VPS16: variants seen among roughly 807,000 people sequenced by gnomAD.
The protein encoded by VPS16 is VPS16 core subunit of CORVET and HOPS complexes.
Under a neutral mutation model 116.0 loss-of-function variants are expected in VPS16, and 82 were observed. That is an observed-to-expected ratio of 0.71 (90% CI 0.59 to 0.85). The LOEUF (loss-of-function observed/expected upper bound fraction) is 0.85, where lower values mean the gene tolerates loss of function less well. Ranked by LOEUF, VPS16 falls within the 40% of genes least tolerant of loss-of-function variation. The pLI, the probability that VPS16 is intolerant of heterozygous loss-of-function variation, is 0.00. For synonymous variants in VPS16, 406 were observed against 420.7 expected, an observed-to-expected ratio of 0.96 and a Z score of 0.43; for missense variants, 928 against 1,090.6, an observed-to-expected ratio of 0.85 and a Z score of 2.10.
rs1442297988 is a variant in VPS16, at chr20:2,862,642, GC to G, written c.1137del (p.Val380CysfsTer174). 1 of 1,613,276 alleles carries G rather than the reference GC, an allele frequency of 6.2e-7. No homozygotes were observed. Among genetic ancestry groups the G allele is most frequent in the Non-Finnish European group, 8.5e-7 (1 of 1,179,998 alleles). ...CCAGGAGCTGGGCCAGCTGACCCAG[GC>G]CGTGCAGCAGTGCATTGAGGCTGCA... ...EIQELGQLTQAVQQCIEAAGH... is the reference protein window; with the variant it reads ...EIQELGQLTQXVQQCIEAAGH... On this transcript the variant is annotated frameshift_variant, in exon 12 of 24. Coordinates refer to ENST00000380445, the MANE Select transcript of VPS16 (RefSeq NM_022575.4). LOFTEE classifies it high-confidence loss of function.
In VPS16 at chr20:2,864,037, T is replaced by C; in HGVS notation, c.1565T>C (p.Ile522Thr). The C allele has an allele frequency of 6.2e-7, 1 of 1,614,132 alleles. No homozygotes were observed. Among genetic ancestry groups the C allele is most frequent in the Middle Eastern group, 1.6e-4 (1 of 6,062 alleles). ...GDTPGVSYSDIAARAYGCGRT... is the reference protein window; with the variant it reads ...GDTPGVSYSDTAARAYGCGRT... ...ACGCCTGGTGTCTCTTACTCCGACA[T>C]TGCTGCACGAGCCTATGGTTGTGGC... is the stretch of plus-strand genomic sequence containing the variant. The change falls in exon 16 of 24, where the codon ATT (isoleucine) becomes ACT (threonine). Residue 522 changes from isoleucine (I) to threonine (T), a missense_variant. Transcript: ENST00000380445. This position sits in a 1 kb window ranked among gnomAD's most constrained non-coding sequence, Gnocchi z 5.2.
chr20:2,851,173 T>C (rs959162487), intron 1 of VPS16, among the ~76,000 whole-genome samples: 3 of 151,980 alleles, frequency 2.0e-5, no homozygotes, highest in African/African-American at 4.8e-5. Context: ...GTCTATAATA[T>C]CAGACAAGCA....
chr20:2,861,080 A>G lies in VPS16; in HGVS notation c.741A>G (p.Thr247=). 2 of 1,614,228 alleles carry G rather than the reference A, an allele frequency of 1.2e-6. No individual in the cohort carries two copies. Among genetic ancestry groups the G allele is most frequent in the East Asian group, 2.2e-5 (1 of 44,882 alleles). The part of the protein sequence containing the change: ...FTDTGYIWMG[T]ASLKEKLCEF... ...ACACAGGCTACATCTGGATGGGGAC[A>G]GCATCACTCAAGGTATGATCCTGGG... The change falls in exon 7 of 24, where the codon ACA becomes ACG. Residue 247 remains threonine (T), a synonymous_variant. Coordinates refer to ENST00000380445, the MANE Select transcript of VPS16 (RefSeq NM_022575.4).
chr20:2,864,787 C>T lies in VPS16; in HGVS notation c.1926+133C>T, dbSNP rs1378488771. ...GTCCTCACTGTGAGGGAGACTCTGA[C>T]GTGAGGCCAGGATGGGGGTTAGTGT... On this transcript the variant is annotated intron_variant, in intron 19 of 23. Coordinates refer to ENST00000380445, the MANE Select transcript of VPS16 (RefSeq NM_022575.4). This position sits in a 1 kb window ranked among gnomAD's most constrained non-coding sequence, Gnocchi z 5.2. The T allele has an allele frequency of 1.3e-5, 15 of 1,169,424 alleles. No homozygotes were observed. Among genetic ancestry groups the T allele is most frequent in the East Asian group, 4.8e-5 (2 of 41,442 alleles). 72.4% of individuals were successfully genotyped at this position (1,169,424 alleles called of 1,614,324 possible).
Position 2,840,835 on chromosome 20 carries a change from GCCC to G in VPS16, c.53+10_53+12del. Reference sequence around the variant, plus strand: ...GGACTCTGCCTTTTACCGGTGAGCTGCCCCGCCCTCCCGCCCACGGCCTGGCTT... The same window carrying G: ...GGACTCTGCCTTTTACCGGTGAGCTGCGCCCTCCCGCCCACGGCCTGGCTT... On this transcript the variant is annotated intron_variant, in intron 1 of 23. Transcript: ENST00000380445. 3 of 1,524,196 alleles carry G rather than the reference GCCC, an allele frequency of 2.0e-6. No individual in the cohort carries two copies. The highest frequency in any genetic ancestry group is 2.0e-5 in the Admixed American group (1 of 50,606). The allele number at this position is 1,524,196 out of a possible 1,614,324, so 94.4% of individuals were successfully genotyped here.
chr20:2,856,592 C>T (rs1272346162), intron 1 of VPS16, among the ~76,000 whole-genome samples: 1 of 152,200 alleles, frequency 6.6e-6, no homozygotes, highest in Non-Finnish European at 1.5e-5. Context: ...ACCACCCTCC[C>T]CAAAGGTAAT....
At chr20:2,842,829 T>TCGATAG (rs1568620960) in intron 1 of VPS16, among the ~76,000 whole-genome samples, 2 of 3,398 alleles carry the variant, frequency 5.9e-4, no homozygotes, top group Non-Finnish European at 8.7e-4. Flanking sequence ...TAGATAGACA[T>TCGATAG]ATAGATGTAT....
intron 1 of VPS16, among the ~76,000 whole-genome samples, chr20:2,858,425 G>A (rs532489987): frequency 2.0e-5 from 3 of 152,076 alleles, no homozygotes; most frequent in Middle Eastern, 6.8e-3. Flanking sequence ...TTTCTAAGTA[G>A]ACAATCACAT....
rs749076156 is a variant in VPS16, at chr20:2,861,810, T to C, written c.905T>C (p.Val302Ala). Reference protein sequence around the residue: ...VGDAPESIQFVLDEDSYLVPE... With the variant: ...VGDAPESIQFALDEDSYLVPE... ...GGAGCCTTAACCAAGCTCAGGTTTG[T>C]GCTGGATGAGGACTCCTACCTGGTG... Residue 302 changes from valine to alanine, a missense_variant, in exon 10 of 24, where the codon GTG (valine) becomes GCG (alanine). By Grantham distance (64) the Val-to-Ala change is moderately conservative (BLOSUM62 0). Coordinates refer to ENST00000380445, the MANE Select transcript of VPS16 (RefSeq NM_022575.4). 1 of 1,613,782 alleles carries C rather than the reference T, an allele frequency of 6.2e-7. No homozygotes were observed. Among genetic ancestry groups the C allele is most frequent in the Non-Finnish European group, 8.5e-7 (1 of 1,179,956 alleles).
chr20:2,860,609 G>A lies in VPS16; in HGVS notation c.514+16G>A, dbSNP rs535105232. On this transcript the variant is annotated intron_variant, in intron 5 of 23. Coordinates refer to ENST00000380445, the MANE Select transcript of VPS16 (RefSeq NM_022575.4). This position sits in a 1 kb window ranked among gnomAD's most constrained non-coding sequence, Gnocchi z 6.1. ...GAGGTGCCAGGTAAGCCCTGACACC[G>A]CTGAGATAGCCAAGCAGTACCCACA... is the stretch of plus-strand genomic sequence containing the variant. 1.4e-5 allele frequency: 23 copies of A among 1,613,066 alleles called. No homozygotes were observed. Among genetic ancestry groups the A allele is most frequent in the Admixed American group, 3.3e-5 (2 of 60,008 alleles).
chr20:2,858,297 G>A (rs1171422341), intron 1 of VPS16, among the ~76,000 whole-genome samples: 6 of 152,068 alleles, frequency 3.9e-5, no homozygotes, highest in Non-Finnish European at 8.8e-5. Flanking sequence ...TGTAAAGACA[G>A]GGTTTCTCCA....
Position 2,863,220 on chromosome 20 carries a change from G to A in VPS16, c.1368-70G>A. On this transcript the variant is annotated intron_variant, in intron 14 of 23. Coordinates refer to ENST00000380445, the MANE Select transcript of VPS16 (RefSeq NM_022575.4). This position sits in a 1 kb window ranked among gnomAD's most constrained non-coding sequence, Gnocchi z 4.4. The stretch of plus-strand genomic sequence containing the variant: ...TAGGATGTGGGAGGCCTGATGTGCA[G>A]GCTGAGGCCACTCTGCTCCCTTTCT... 2 of 1,610,672 alleles carry A rather than the reference G, an allele frequency of 1.2e-6. No individual in the cohort carries two copies. The highest frequency in any genetic ancestry group is 1.7e-6 in the Non-Finnish European group (2 of 1,177,134).
Position 2,860,459 on chromosome 20 carries a change from A to G in VPS16, c.380A>G (p.Gln127Arg). The G allele has an allele frequency of 6.2e-7, 1 of 1,614,116 alleles. No homozygotes were observed. Among genetic ancestry groups the G allele is most frequent in the Non-Finnish European group, 8.5e-7 (1 of 1,180,012 alleles). ...GCCCCCTTTCCTCAGGAAGTGCTCC[A>G]GAACCGGGTTCTGGATGCCCGGATC... ...RHFSMGNEVL[Q>R]NRVLDARIFH... The change falls in exon 5 of 24, where the codon CAG (glutamine) becomes CGG (arginine). Residue 127 changes from glutamine (Q) to arginine (R), a missense_variant. Transcript: ENST00000380445. The surrounding 1 kb of genome is among the most constrained non-coding windows in gnomAD (Gnocchi z 6.1).
At position 2,860,792 on chromosome 20, in the gene VPS16, C is replaced by A. The variant is rs754351705; in HGVS notation, c.559C>A (p.Arg187=). The A allele has an allele frequency of 2.9e-5, 47 of 1,613,940 alleles. No homozygotes were observed. In the Admixed American group the frequency reaches 7.3e-4, roughly 25 times the overall value. ...CTGCTGGACTGTGCTGTGCCAGGAC[C>A]GAGTGGCACACATTCTTCTGGCTGT... is the stretch of plus-strand genomic sequence containing the variant. ...PSCWTVLCQD[R]VAHILLAVGP... Residue 187 remains arginine (R), a synonymous_variant, in exon 6 of 24, where the codon CGA becomes AGA. Coordinates refer to ENST00000380445, the MANE Select transcript of VPS16 (RefSeq NM_022575.4). This position sits in a 1 kb window ranked among gnomAD's most constrained non-coding sequence, Gnocchi z 6.1.
chr20:2,845,007 G>GTGT (rs1555795973), intron 1 of VPS16, among the ~76,000 whole-genome samples: 1 of 144,014 alleles, frequency 6.9e-6, no homozygotes, highest in Non-Finnish European at 1.5e-5. Context: ...ATTTGCAAGG[G>GTGT]GTGTGTGTGT....
chr20:2,851,545 C>T (rs1380393700), intron 1 of VPS16, among the ~76,000 whole-genome samples: 2 of 151,996 alleles, frequency 1.3e-5, no homozygotes, highest in South Asian at 2.1e-4. Flanking sequence ...GCCTGTAATC[C>T]CAGCTACTTG....
chr20:2,861,969 A>G, intron 10 of VPS16, 70 bp downstream of exon 10: 2 of 1,605,040 alleles, frequency 1.2e-6, no homozygotes, highest in Non-Finnish European at 1.7e-6. Flanking sequence ...GCCCTGGGCC[A>G]GTGCCACAGA....
Position 2,860,870 on chromosome 20 carries a change from G to T in VPS16, c.630+7G>T. 6.2e-7 allele frequency: 1 copy of T among 1,614,136 alleles called. No individual in the cohort carries two copies. The highest frequency in any genetic ancestry group is 8.5e-7 in the Non-Finnish European group (1 of 1,180,044). On this transcript the variant is annotated splice_region_variant and intron_variant, in intron 6 of 23. Coordinates refer to ENST00000380445, the MANE Select transcript of VPS16 (RefSeq NM_022575.4). The surrounding 1 kb of genome is among the most constrained non-coding windows in gnomAD (Gnocchi z 6.1). ...TGCAGCCTGCTCCGCAGTGGTAAGG[G>T]CCCTGAGTGGGAATGAAGTGGACGG... is the stretch of plus-strand genomic sequence containing the variant.
intron 1 of VPS16, among the ~76,000 whole-genome samples, chr20:2,849,716 A>G (rs1192811447): frequency 6.6e-6 from 1 of 152,190 alleles, no homozygotes. Flanking sequence ...TAAATGTTCA[A>G]GTGCACTCAA....
Sources: gnomAD v4.1 joint callset for allele counts (sites outside exome capture counted in the v4.1 genomes callset) on GRCh38, gnomAD v4.1.1 for gene constraint, Gnocchi (gnomAD v3.1) non-coding constraint, MANE v1.5 for transcripts, NCBI Gene and HGNC (gene_info 2026-07-23, HGNC 2026-07-21) for gene names.